The following MMP27 variants were observed in gnomAD, a reference collection of about 807,000 sequenced individuals.
The protein encoded by MMP27 is matrix metallopeptidase 27.
Under a neutral mutation model 48.1 loss-of-function variants are expected in MMP27, and 51 were observed. The ratio of observed to expected loss-of-function variants is 1.06; its 90% CI spans 0.85 to 1.34. The LOEUF (loss-of-function observed/expected upper bound fraction) is 1.34, where lower values mean the gene tolerates loss of function less well. MMP27 is among the 40% of genes most tolerant of loss of function. MMP27 has a pLI of 0.00. For missense variants in MMP27, 698 were observed against 619.3 expected (o/e 1.13, Z -1.35); for synonymous variants, 229 against 208.9 (o/e 1.10, Z -0.83).
Position 102,703,019 on chromosome 11 carries a change from G to A in MMP27, c.441C>T (p.Thr147=), listed in dbSNP as rs1480575094. The A allele has an allele frequency of 1.2e-6, 2 of 1,614,102 alleles. No individual in the cohort carries two copies. The highest frequency in any genetic ancestry group is 3.3e-5 in the Admixed American group (2 of 60,008). The change falls in exon 3 of 10, where the codon ACC becomes ACT. Residue 147 remains threonine, a synonymous_variant. Coordinates refer to ENST00000260229, the MANE Select transcript of MMP27 (RefSeq NM_022122.3). ...TGTCTGCAATCCCCTTTGAAATCTTGGTGAATTTTAGTGGAGTGACTTTGC... is the reference window on the plus strand; with the variant it reads ...TGTCTGCAATCCCCTTTGAAATCTTAGTGAATTTTAGTGGAGTGACTTTGC... ...VWSKVTPLKF[T]KISKGIADIM...
rs538571269 is a variant in MMP27, at chr11:102,691,761, T to C, written c.*5A>G. On this transcript the variant is annotated 3_prime_UTR_variant, in exon 10 of 10. Coordinates refer to ENST00000260229, the MANE Select transcript of MMP27 (RefSeq NM_022122.3). The stretch of plus-strand genomic sequence containing the variant: ...CCTGTTGAGGTTTATTTTAGGTCTA[T>C]GAATTTATTGATAAATAGAAGTGTT... The C allele has an allele frequency of 1.9e-6, 3 of 1,578,726 alleles. No individual in the cohort carries two copies. The highest frequency in any genetic ancestry group is 2.6e-6 in the Non-Finnish European group (3 of 1,157,656).
intron 2 of MMP27, among the ~76,000 whole-genome samples, chr11:102,703,975 T>G (rs192486364): frequency 6.6e-6 from 1 of 152,250 alleles, no homozygotes; most frequent in African/African-American, 2.4e-5. Flanking sequence ...TGTAGAGTGA[T>G]GGTCAAGGTG....
chr11:102,702,830 T>C lies in MMP27; in HGVS notation c.542A>G (p.His181Arg). The C allele has an allele frequency of 6.2e-7, 1 of 1,613,816 alleles. No individual in the cohort carries two copies. ...YFDGPLGVLG[H>R]AFPPGPGLGG... Reference sequence around the variant, plus strand: ...CAGACCCGGACCAGGAGGAAAGGCATGGCCAAGCACTCCCAAGGGACCATC... The same window carrying C: ...CAGACCCGGACCAGGAGGAAAGGCACGGCCAAGCACTCCCAAGGGACCATC... Residue 181 changes from histidine to arginine, a missense_variant, in exon 4 of 10, where the codon CAT becomes CGT. Coordinates refer to ENST00000260229, the MANE Select transcript of MMP27 (RefSeq NM_022122.3).
intron 9 of MMP27, 56 bp from the exon 10 acceptor site, chr11:102,692,066 C>T (rs1208791992): frequency 6.4e-6 from 9 of 1,407,686 alleles, no homozygotes; most frequent in South Asian, 3.3e-5. Flanking sequence ...TACTTCCATA[C>T]TTTTAAATTT....
At chr11:102,695,220 G>A in intron 6 of MMP27, 123 bp from the exon 7 acceptor site, 1 of 1,124,030 alleles carries the variant, frequency 8.9e-7, no homozygotes. Flanking sequence ...GAGATAATTA[G>A]CATAATTTTC....
chr11:102,692,965 G>T lies in MMP27; in HGVS notation c.1270C>A (p.Arg424Ser), dbSNP rs372052870. The T allele has an allele frequency of 1.9e-6, 3 of 1,613,416 alleles. No individual in the cohort carries two copies. The highest frequency in any genetic ancestry group is 2.7e-5 in the African/African-American group (2 of 74,862). Residue 424 changes from arginine (R) to serine (S), a missense_variant, in exon 9 of 10, where the codon CGT becomes AGT. Transcript: ENST00000260229. Reference sequence around the variant, plus strand: ...TTGTACTGGAAAGCAGCATCAACACGGATACTGATTCCAGGAAAGTGTTTT... The same window carrying T: ...TTGTACTGGAAAGCAGCATCAACACTGATACTGATTCCAGGAAAGTGTTTT... ...VVKHFPGISI[R>S]VDAAFQYKGF...
intron 7 of MMP27, among the ~76,000 whole-genome samples, 185 bp from the exon 8 acceptor site, chr11:102,694,250 A>G (rs1036879687): frequency 6.6e-6 from 1 of 152,238 alleles, no homozygotes; most frequent in Non-Finnish European, 1.5e-5. Context: ...CAAATAATAT[A>G]TACCTGTAAA....
At chr11:102,696,311 A>G in intron 6 of MMP27, 60 bp downstream of exon 6, 1 of 1,589,644 alleles carries the variant, frequency 6.3e-7, no homozygotes, top group Non-Finnish European at 8.6e-7. Flanking sequence ...CTTTATCCTC[A>G]AATCTCTTGA....
In MMP27 at chr11:102,694,970, TA is replaced by T; in HGVS notation, c.1029del (p.Phe343LeufsTer8). On this transcript the variant is annotated frameshift_variant, in exon 7 of 10. Coordinates refer to ENST00000260229, the MANE Select transcript of MMP27 (RefSeq NM_022122.3). LOFTEE classifies it high-confidence loss of function. ...GAATCGGGATGGGCCAGGTTACCTTTAAAAACCAGAATCTTATCTCTGGGGT... is the reference window on the plus strand; with the variant it reads ...GAATCGGGATGGGCCAGGTTACCTTTAAAACCAGAATCTTATCTCTGGGGT... ...YENPRDKILV[F>X]KDENFWMIRG... 6.2e-7 allele frequency: 1 copy of T among 1,613,840 alleles called. No individual in the cohort carries two copies.
chr11:102,704,754 A>G lies in MMP27; in HGVS notation c.124T>C (p.Ser42Pro). 6.2e-7 allele frequency: 1 copy of G among 1,610,620 alleles called. No homozygotes were observed. Among genetic ancestry groups the G allele is most frequent in the Non-Finnish European group, 8.5e-7 (1 of 1,177,464 alleles). Residue 42 changes from serine to proline, a missense_variant, in exon 2 of 10, where the codon TCT becomes CCT. Physicochemically the swap from Ser to Pro is moderately conservative, Grantham distance 74. Coordinates refer to ENST00000260229, the MANE Select transcript of MMP27 (RefSeq NM_022122.3). ...LAQAYLNQFYSLEIEGNHLVQ... is the reference protein window; with the variant it reads ...LAQAYLNQFYPLEIEGNHLVQ... ...AGATGATTCCCTTCTATTTCAAGAG[A>G]GTAGAACTGGTTGAGATATGCCTGA... is the stretch of plus-strand genomic sequence containing the variant.
intron 4 of MMP27, among the ~76,000 whole-genome samples, chr11:102,701,574 A>C (rs367967929): frequency 2.0e-5 from 3 of 152,334 alleles, no homozygotes; most frequent in African/African-American, 7.2e-5. Context: ...TCTCAGCAGA[A>C]GATACACAAC....
Position 102,693,928 on chromosome 11 carries a change from AG to A in MMP27, c.1170del (p.Phe391LeufsTer12). On this transcript the variant is annotated frameshift_variant, in exon 8 of 10. Transcript: ENST00000260229. LOFTEE classifies it high-confidence loss of function. ...TACCTCCAGCACCAAATGCCCACAA[AG>A]AAGTAGGTTTTTCTTGTGGTCTTAT... ...VCDKTTRKTY[F>X]FVGIWCWRFD... 1 of 1,600,486 alleles carries A rather than the reference AG, an allele frequency of 6.2e-7. No homozygotes were observed. The highest frequency in any genetic ancestry group is 8.5e-7 in the Non-Finnish European group (1 of 1,174,800).
chr11:102,702,681 A>C, intron 4 of MMP27, 72 bp downstream of exon 4: 1 of 1,484,804 alleles, frequency 6.7e-7, no homozygotes, highest in Non-Finnish European at 9.1e-7. Context: ...AAAAGCAGCT[A>C]GTTACAAAGC....
At chr11:102,694,374 A>G (rs1277332462) in intron 7 of MMP27, among the ~76,000 whole-genome samples, 1 of 152,226 alleles carries the variant, frequency 6.6e-6, no homozygotes, top group Non-Finnish European at 1.5e-5. Context: ...TAAACATCAC[A>G]TTGTACCCCA....
chr11:102,704,595 C>A lies in MMP27; in HGVS notation c.283G>T (p.Asp95Tyr). 3 of 1,614,176 alleles carry A rather than the reference C, an allele frequency of 1.9e-6. No individual in the cohort carries two copies. Among genetic ancestry groups the A allele is most frequent in the Non-Finnish European group, 2.5e-6 (3 of 1,180,016 alleles). ...AGGGTGTAGCCATACTGGCCCACATCAGGCACCCCACACCTGGGTGTCTTC... is the reference window on the plus strand; with the variant it reads ...AGGGTGTAGCCATACTGGCCCACATAAGGCACCCCACACCTGGGTGTCTTC... ...IMKTPRCGVP[D>Y]VGQYGYTLPG... Residue 95 changes from aspartate (D) to tyrosine (Y), a missense_variant, in exon 2 of 10, where the codon GAT becomes TAT. Coordinates refer to ENST00000260229, the MANE Select transcript of MMP27 (RefSeq NM_022122.3).
chr11:102,705,731 C>CTGAAGAAAGAGAGGAA lies in MMP27; in HGVS notation c.-18_-17insTTCCTCTCTTTCTTCA. 6.4e-7 allele frequency: 1 copy of CTGAAGAAAGAGAGGAA among 1,570,532 alleles called. No homozygotes were observed. The highest frequency in any genetic ancestry group is 8.7e-7 in the Non-Finnish European group (1 of 1,149,458). On this transcript the variant is annotated 5_prime_UTR_variant, in exon 1 of 10. Transcript: ENST00000260229. ...GCGCTTCATTCCTCTCTTTCTTCAG[C>CTGAAGAAAGAGAGGAA]TGAAGCCGGTTCTGTTAGCACAGAA...
intron 2 of MMP27, among the ~76,000 whole-genome samples, chr11:102,704,332 T>C (rs1174982898): frequency 3.9e-5 from 6 of 152,182 alleles, no homozygotes. Context: ...GTAAATAAAC[T>C]TTTGTTTCAG....
Position 102,696,359 on chromosome 11 carries a change from AAATGAGTTTACCT to A in MMP27, c.901_902+11del. On this transcript the variant is annotated splice_donor_variant and splice_donor_5th_base_variant and coding_sequence_variant and intron_variant, in exon 6 of 10. Coordinates refer to ENST00000260229, the MANE Select transcript of MMP27 (RefSeq NM_022122.3). LOFTEE classifies it high-confidence loss of function. ...TCATAGGAAGTTGAGGTGTTTAGAGAAATGAGTTTACCTGCCTTTAAAGAACATTACTTCTCTG... is the reference window on the plus strand; with the variant it reads ...TCATAGGAAGTTGAGGTGTTTAGAGAGCCTTTAAAGAACATTACTTCTCTG... The A allele has an allele frequency of 1.2e-6, 2 of 1,613,230 alleles. No homozygotes were observed. The highest frequency in any genetic ancestry group is 1.7e-6 in the Non-Finnish European group (2 of 1,179,462).
At chr11:102,693,809 A>T (rs1482046505) in intron 8 of MMP27, 97 bp downstream of exon 8, 1 of 1,076,996 alleles carries the variant, frequency 9.3e-7, no homozygotes, top group African/African-American at 1.7e-5. Flanking sequence ...AATAAAAAAT[A>T]TTATGGATTC....
Sources: allele counts gnomAD v4.1 joint callset (sites outside exome capture counted in the v4.1 genomes callset), GRCh38; gene constraint gnomAD v4.1.1; transcripts MANE v1.5; gene names NCBI Gene and HGNC (gene_info 2026-07-23, HGNC 2026-07-21).